Variants in SGIP1 observed in about 807,000 individuals in gnomAD.
The protein encoded by SGIP1 is SH3-containing GRB2-like protein 3-interacting protein 1.
In SGIP1, 38 loss-of-function variants were observed where a neutral mutation model predicts 107.5. That is an observed-to-expected ratio of 0.35 (90% CI 0.27 to 0.46). SGIP1 has a LOEUF of 0.46. SGIP1 is among the 20% of genes least tolerant of loss of function. The pLI, the probability that SGIP1 is intolerant of heterozygous loss-of-function variation, is 1.00. For missense variants in SGIP1, 929 were observed against 1,019.5 expected (o/e 0.91, Z 1.21); for synonymous variants, 365 against 366.1 (o/e 1.00, Z 0.03).
intron 7 of SGIP1, among the ~76,000 whole-genome samples, chr1:66,648,737 G>A (rs1229107721): frequency 6.6e-6 from 1 of 152,102 alleles, no homozygotes; most frequent in Non-Finnish European, 1.5e-5. Context: ...CTGGCTATCT[G>A]TTTAAATATT....
intron 1 of SGIP1, among the ~76,000 whole-genome samples, chr1:66,608,150 C>G (rs562330366): frequency 6.6e-5 from 10 of 152,360 alleles, no homozygotes; most frequent in African/African-American, 2.4e-4. Flanking sequence ...AATTGCAGGA[C>G]TTCTCAGAGA....
intron 19 of SGIP1, among the ~76,000 whole-genome samples, chr1:66,719,795 CA>C (rs2093431495): frequency 6.6e-6 from 1 of 152,050 alleles, no homozygotes; most frequent in Non-Finnish European, 1.5e-5. Flanking sequence ...CTTTCCTGGA[CA>C]GGAATCACCC....
Position 66,716,134 on chromosome 1 carries a change from C to A in SGIP1, c.1631-3160C>A, listed in dbSNP as rs1367280807. Among the ~76,000 whole-genome samples the A allele has an allele frequency of 2.0e-5, 3 of 152,066 alleles. No homozygotes were observed. In the South Asian group the frequency reaches 6.2e-4, roughly 32 times the overall value. On this transcript the variant is annotated intron_variant, in intron 18 of 24. Transcript: ENST00000371037. ...CTGATGCTAAATCCCATGCTCTTAG[C>A]CACTACCATGTGCCATTTCTGAGCA...
intron 1 of SGIP1, among the ~76,000 whole-genome samples, chr1:66,606,775 A>G (rs2066932054): frequency 6.6e-6 from 1 of 152,218 alleles, no homozygotes; most frequent in Non-Finnish European, 1.5e-5. Flanking sequence ...AACTATATAT[A>G]TTGAGTTCCT....
chr1:66,613,488 C>T (rs2068492203), intron 1 of SGIP1, among the ~76,000 whole-genome samples: 1 of 152,134 alleles, frequency 6.6e-6, no homozygotes, highest in Non-Finnish European at 1.5e-5. Context: ...TACCACTATG[C>T]CCAGCTATTT....
At chr1:66,536,737 T>G (rs2053698788) in intron 1 of SGIP1, among the ~76,000 whole-genome samples, 1 of 152,030 alleles carries the variant, frequency 6.6e-6, no homozygotes, top group African/African-American at 2.4e-5. Context: ...AAACATCTAG[T>G]TAAAATCATA....
chr1:66,550,464 A>C (rs1367544958), intron 1 of SGIP1, among the ~76,000 whole-genome samples: 1 of 152,128 alleles, frequency 6.6e-6, no homozygotes, highest in Non-Finnish European at 1.5e-5. Context: ...ACTGCCCCAG[A>C]ACAGCCCTAG....
At chr1:66,581,805 A>T (rs2061862015) in intron 1 of SGIP1, among the ~76,000 whole-genome samples, 1 of 152,094 alleles carries the variant, frequency 6.6e-6, no homozygotes, top group Admixed American at 6.6e-5. Context: ...TTATTTAACA[A>T]TTCACCACTA....
At chr1:66,653,717 C>G (rs1017736594) in intron 7 of SGIP1, among the ~76,000 whole-genome samples, 1 of 152,080 alleles carries the variant, frequency 6.6e-6, no homozygotes, top group African/African-American at 2.4e-5. Context: ...GTTAGGATGG[C>G]CTCAGTAGAA....
At chr1:66,639,967 A>T in intron 5 of SGIP1, 134 bp downstream of exon 5, 1 of 681,340 alleles carries the variant, frequency 1.5e-6, no homozygotes. Flanking sequence ...CATATTTAGG[A>T]TGGGGCTAAG....
intron 1 of SGIP1, among the ~76,000 whole-genome samples, chr1:66,586,025 A>G (rs566744371): frequency 8.5e-5 from 13 of 152,304 alleles, no homozygotes; most frequent in African/African-American, 3.1e-4. Flanking sequence ...TGTTGCACAT[A>G]TTCTGCAGCT....
intron 9 of SGIP1, among the ~76,000 whole-genome samples, chr1:66,667,939 A>C (rs2082937303): frequency 6.6e-6 from 1 of 152,224 alleles, no homozygotes; most frequent in African/African-American, 2.4e-5. Context: ...CATCATTTTT[A>C]AGCCATCATT....
At chr1:66,581,758 C>T (rs572674536) in intron 1 of SGIP1, among the ~76,000 whole-genome samples, 4 of 152,098 alleles carry the variant, frequency 2.6e-5, no homozygotes, top group African/African-American at 7.2e-5. Context: ...TGATTACCTT[C>T]GTAATACATG....
chr1:66,667,669 A>G, intron 9 of SGIP1, 128 bp downstream of exon 9: 2 of 818,014 alleles, frequency 2.4e-6, no homozygotes, highest in East Asian at 4.9e-5. Flanking sequence ...AAATAGGTTT[A>G]CTGATTGAAA....
intron 1 of SGIP1, among the ~76,000 whole-genome samples, chr1:66,542,266 A>T (rs1161948697): frequency 6.6e-6 from 1 of 152,190 alleles, no homozygotes; most frequent in African/African-American, 2.4e-5. Flanking sequence ...AATAAGGCAC[A>T]GTAGGAGATT....
Position 66,743,858 on chromosome 1 carries a change from T to C in SGIP1, c.*763T>C, listed in dbSNP as rs550037812. The C allele has an allele frequency of 1.2e-4, 18 of 152,718 alleles. No individual in the cohort carries two copies. Among genetic ancestry groups the C allele is most frequent in the East Asian group, 3.9e-4 (2 of 5,190 alleles). The allele number at this position is 152,718 out of a possible 1,614,324, so 9.5% of individuals were successfully genotyped here. ...TTTAAAGTTTAAGTATATTAAATTA[T>C]AATCAAGAGTAAAGAAGATGTTGAA... On this transcript the variant is annotated 3_prime_UTR_variant, in exon 25 of 25. Transcript: ENST00000371037.
intron 7 of SGIP1, among the ~76,000 whole-genome samples, chr1:66,650,625 C>T (rs570421982): frequency 4.6e-5 from 7 of 152,150 alleles, no homozygotes; most frequent in East Asian, 1.9e-4. Flanking sequence ...CGGACATCTC[C>T]ATTCCTTCCA....
intron 7 of SGIP1, chr1:66,660,185 A>AAAAG (rs2081089818): frequency 1.1e-5 from 2 of 188,390 alleles, no homozygotes; most frequent in East Asian, 1.6e-4. Context: ...GAAAGAAAGA[A>AAAAG]AGAAAGAAAG....
rs143062928 is a variant in SGIP1 at position 66,675,883 on chromosome 1, T to C, written c.647-1121T>C. Among the ~76,000 whole-genome samples, 599 of 152,200 alleles carry C rather than the reference T, an allele frequency of 3.9e-3. 3 individuals carry two copies. The highest frequency in any genetic ancestry group is 0.014 in the African/African-American group (565 of 41,522). ...TGAAATGGTCTGGGGAAAAAATATG[T>C]ATTTTAGAGTTAAAAGTCTGCTACA... On this transcript the variant is annotated intron_variant, in intron 12 of 24. Transcript: ENST00000371037.
Sources: gnomAD v4.1 joint callset for allele counts (sites outside exome capture counted in the v4.1 genomes callset) on GRCh38, gnomAD v4.1.1 for gene constraint, MANE v1.5 for transcripts, NCBI Gene and HGNC (gene_info 2026-07-23, HGNC 2026-07-21) for gene names.